CEP43: variants seen among roughly 807,000 people sequenced by gnomAD.
CEP43 encodes the protein centrosomal protein 43, also known as FGFR1 oncogene partner.
A neutral mutation model predicts 52.6 loss-of-function variants in CEP43; 36 were observed. The observed-to-expected ratio is 0.68, with a 90% confidence interval of 0.52 to 0.90. CEP43 has a LOEUF of 0.90. Among genes scored for constraint, CEP43 ranks in the 40% least tolerant of loss-of-function variants. CEP43 has a pLI of 0.00. For missense variants in CEP43, 506 were observed against 472.8 expected, an observed-to-expected ratio of 1.07 and a Z score of -0.65; for synonymous variants, 192 against 172.4, an observed-to-expected ratio of 1.11 and a Z score of -0.89.
intron 7 of CEP43, among the ~76,000 whole-genome samples, chr6:167,020,470 T>A (rs939246620): frequency 1.3e-4 from 20 of 152,224 alleles, no homozygotes; most frequent in Non-Finnish European, 2.5e-4. Context: ...TAACCCAGAC[T>A]TTGGTCACCA....
intron 8 of CEP43, among the ~76,000 whole-genome samples, chr6:167,022,849 A>G (rs999608394): frequency 2.7e-4 from 30 of 112,310 alleles, no homozygotes; most frequent in African/African-American, 9.8e-4. Context: ...GTGTAGATTG[A>G]GTGTCAGCCA....
chr6:167,000,188 A>T (rs1779701833), intron 2 of CEP43, 75 bp downstream of exon 2: 2 of 1,207,084 alleles, frequency 1.7e-6, no homozygotes. Context: ...ACCGTCTTAA[A>T]AATAGTTTAT....
intron 6 of CEP43, among the ~76,000 whole-genome samples, chr6:167,011,350 A>T (rs1230147387): frequency 6.6e-6 from 1 of 152,176 alleles, no homozygotes; most frequent in Non-Finnish European, 1.5e-5. Flanking sequence ...GTTTTGATAC[A>T]ATTTCTAAGA....
chr6:167,037,636 A>C (rs1780609425), intron 12 of CEP43, among the ~76,000 whole-genome samples: 1 of 152,254 alleles, frequency 6.6e-6, no homozygotes, highest in South Asian at 2.1e-4. Flanking sequence ...GATTTTACTT[A>C]CAACTTAAAT....
In CEP43 at chr6:167,049,444, A is replaced by G. The variant is rs188661109; in HGVS notation, c.*9466A>G. ...CAGAGTTGCCTCTTCTGGACATTAC[A>G]TATAAACGGAATTATACACTATGTG... On this transcript the variant is annotated 3_prime_UTR_variant, in exon 13 of 13. Transcript: ENST00000366847. 7.6e-4 allele frequency: 116 copies of G among 152,358 alleles called. No individual in the cohort carries two copies. The highest frequency in any genetic ancestry group is 2.7e-3 in the African/African-American group (111 of 41,584). The allele number at this position is 152,358 out of a possible 1,614,324, so 9.4% of individuals were successfully genotyped here.
At chr6:167,007,520 TA>T (rs1779882300) in intron 5 of CEP43, among the ~76,000 whole-genome samples, 1 of 152,236 alleles carries the variant, frequency 6.6e-6, no homozygotes, top group Admixed American at 6.5e-5. Flanking sequence ...TGCATATGTA[TA>T]TAAACAAATA....
In CEP43 at chr6:167,042,200, A is replaced by G; in HGVS notation, c.*2222A>G. On this transcript the variant is annotated 3_prime_UTR_variant, in exon 13 of 13. Transcript: ENST00000366847. ...GCTTTCTTTTCACATGTACTTTTTG[A>G]TTAGGTATTATCAACTTATGAAACT... 9.9e-7 allele frequency: 1 copy of G among 1,006,306 alleles called. No homozygotes were observed. The highest frequency in any genetic ancestry group is 4.9e-4 in the Middle Eastern group (1 of 2,050). 62.3% of individuals were successfully genotyped at this position (1,006,306 alleles called of 1,614,324 possible).
rs1779789340 is a variant in CEP43, at chr6:167,003,703, C to T, written c.212-20C>T. The stretch of plus-strand genomic sequence containing the variant: ...AGTTTTTGAAGATTTGCTTACTTAC[C>T]TTTTTCTTGATCTTTATAGGTCGTT... On this transcript the variant is annotated intron_variant, in intron 3 of 12. Coordinates refer to ENST00000366847, the MANE Select transcript of CEP43 (RefSeq NM_007045.4). 1.3e-6 allele frequency: 2 copies of T among 1,527,912 alleles called. No homozygotes were observed. Among genetic ancestry groups the T allele is most frequent in the East Asian group, 2.3e-5 (1 of 44,132 alleles). 94.6% of individuals were successfully genotyped at this position (1,527,912 alleles called of 1,614,324 possible).
chr6:167,031,745 C>T (rs1583289740), intron 10 of CEP43, among the ~76,000 whole-genome samples: 1 of 152,192 alleles, frequency 6.6e-6, no homozygotes, highest in African/African-American at 2.4e-5. Flanking sequence ...TTTAAGTTGG[C>T]TCTCATGTGC....
chr6:166,999,993 TA>T, intron 1 of CEP43, 66 bp from the exon 2 acceptor site: 2 of 1,395,336 alleles, frequency 1.4e-6, no homozygotes, highest in Non-Finnish European at 1.0e-6. Context: ...TGTTGCTGGA[TA>T]AATGTGAGCT....
intron 5 of CEP43, among the ~76,000 whole-genome samples, chr6:167,006,764 G>T (rs1779864173): frequency 6.6e-6 from 1 of 152,140 alleles, no homozygotes; most frequent in South Asian, 2.1e-4. Flanking sequence ...ACTGTTTCTT[G>T]TTATTGTATG....
intron 10 of CEP43, among the ~76,000 whole-genome samples, chr6:167,029,109 TAA>T (rs1780413956): frequency 6.6e-6 from 1 of 152,182 alleles, no homozygotes; most frequent in Non-Finnish European, 1.5e-5. Context: ...TTTAAAAATG[TAA>T]AAGCCATTCT....
chr6:167,000,245 A>G lies in CEP43; in HGVS notation c.156+132A>G, dbSNP rs1273963652. 9 of 663,162 alleles carry G rather than the reference A, an allele frequency of 1.4e-5. No homozygotes were observed. The Admixed American group carries it at 3.1e-4, about 23-fold the overall frequency. 41.1% of individuals were successfully genotyped at this position (663,162 alleles called of 1,614,324 possible). On this transcript the variant is annotated intron_variant, in intron 2 of 12. Coordinates refer to ENST00000366847, the MANE Select transcript of CEP43 (RefSeq NM_007045.4). ...ATTTTGAACTGTTAAGGATTACATTACTATTGAGAGAGAGCCAAAATTATT... is the reference window on the plus strand; with the variant it reads ...ATTTTGAACTGTTAAGGATTACATTGCTATTGAGAGAGAGCCAAAATTATT...
intron 7 of CEP43, among the ~76,000 whole-genome samples, chr6:167,018,643 G>A (rs533925501): frequency 1.2e-4 from 18 of 152,236 alleles, no homozygotes; most frequent in African/African-American, 4.3e-4. Flanking sequence ...GCCTGCCTCG[G>A]CCTCCCAAAG....
Position 167,041,431 on chromosome 6 carries a change from C to T in CEP43, c.*1453C>T. The T allele has an allele frequency of 4.7e-6, 5 of 1,060,628 alleles. No individual in the cohort carries two copies. The highest frequency in any genetic ancestry group is 5.7e-6 in the Non-Finnish European group (5 of 876,346). The allele number at this position is 1,060,628 out of a possible 1,614,324, so 65.7% of individuals were successfully genotyped here. ...CTGCCCTCCGTCTGTGAGCTGCTAT[C>T]TCAGTCTCCTTCAGCTCTTCATGTC... On this transcript the variant is annotated 3_prime_UTR_variant, in exon 13 of 13. Transcript: ENST00000366847.
Position 167,044,567 on chromosome 6 carries a change from G to A in CEP43, c.*4589G>A. ...AGTGGCAGACAGAAGGAAACAGCAAGGCCTCTGAGGTAGGAGGGACAGCGT... is the reference window on the plus strand; with the variant it reads ...AGTGGCAGACAGAAGGAAACAGCAAAGCCTCTGAGGTAGGAGGGACAGCGT... On this transcript the variant is annotated 3_prime_UTR_variant, in exon 13 of 13. Transcript: ENST00000366847. 3.0e-6 allele frequency: 3 copies of A among 984,564 alleles called. No homozygotes were observed. The highest frequency in any genetic ancestry group is 3.6e-6 in the Non-Finnish European group (3 of 829,136). 61.0% of individuals were successfully genotyped at this position (984,564 alleles called of 1,614,324 possible). A position where few individuals can be genotyped will look rare whatever the true frequency, so the allele number is the denominator to read the frequency against.
Position 167,036,237 on chromosome 6 carries a change from G to A in CEP43, c.1125+2266G>A, listed in dbSNP as rs919690691. On this transcript the variant is annotated intron_variant, in intron 12 of 12. Transcript: ENST00000366847. ...AAAGATGACTCTGACTTGGTTCTGC[G>A]AGGGCTGAGGAGGAACATGGTAAGC... is the stretch of plus-strand genomic sequence containing the variant. 8.1e-6 allele frequency: 8 copies of A among 985,278 alleles called. No homozygotes were observed. In the African/African-American group the frequency reaches 8.7e-5, roughly 11 times the overall value. The allele number at this position is 985,278 out of a possible 1,614,324, so 61.0% of individuals were successfully genotyped here. A position where few individuals can be genotyped will look rare whatever the true frequency, so the allele number is the denominator to read the frequency against.
chr6:167,029,325 A>G (rs1232899261), intron 10 of CEP43, among the ~76,000 whole-genome samples: 1 of 152,268 alleles, frequency 6.6e-6, no homozygotes, highest in Non-Finnish European at 1.5e-5. Flanking sequence ...GCTGACCCTT[A>G]AAGTAATGTA....
intron 12 of CEP43, chr6:167,036,849 C>T: frequency 2.4e-6 from 2 of 831,040 alleles, no homozygotes; most frequent in Non-Finnish European, 2.9e-6. Flanking sequence ...ACTCTGTTGC[C>T]TAGGCTGGAG....
Sources: allele counts gnomAD v4.1 joint callset (sites outside exome capture counted in the v4.1 genomes callset), GRCh38; gene constraint gnomAD v4.1.1; transcripts MANE v1.5; gene names NCBI Gene and HGNC (gene_info 2026-07-23, HGNC 2026-07-21).